The following OSBPL5 variants were observed in gnomAD, a reference collection of about 807,000 sequenced individuals.
The protein encoded by OSBPL5 is oxysterol binding protein like 5.
In OSBPL5, 71 loss-of-function variants were observed where a neutral mutation model predicts 111.2. That is an observed-to-expected ratio of 0.64 (90% confidence interval 0.53 to 0.78). The LOEUF (loss-of-function observed/expected upper bound fraction) is 0.78. Ranked by LOEUF, OSBPL5 falls within the 30% of genes least tolerant of loss-of-function variation. The probability of loss-of-function intolerance (pLI) is 0.00; values close to 1 mark genes in which losing one functional copy is unlikely to be tolerated. For synonymous variants in OSBPL5, 549 were observed against 513.9 expected, an observed-to-expected ratio of 1.07 and a Z score of -0.93; for missense variants, 1,210 against 1,189.3, an observed-to-expected ratio of 1.02 and a Z score of -0.26.
Position 3,088,268 on chromosome 11 carries a change from T to A in OSBPL5, c.2577A>T (p.Arg859=), listed in dbSNP as rs750833975. 2.5e-6 allele frequency: 4 copies of A among 1,608,440 alleles called. No individual in the cohort carries two copies. In the South Asian group the frequency reaches 3.3e-5, roughly 13 times the overall value. ...GGAACACGCAGAGCAGGAACCAGGA[T>A]CGGGGGCTCTGCAGGAGGCCTGGGG... is the stretch of plus-strand genomic sequence containing the variant. ...APTPGLLQSP[R]SWFLLCVFLA... The change falls in exon 22 of 22, where the codon CGA becomes CGT. Residue 859 remains arginine, a synonymous_variant. Transcript: ENST00000263650.
intron 1 of OSBPL5, chr11:3,129,392 G>A: frequency 2.9e-6 from 1 of 348,778 alleles, no homozygotes; most frequent in South Asian, 9.9e-5. Context: ...ACGCCGGGCA[G>A]TAGGGCTGGA....
intron 3 of OSBPL5, among the ~76,000 whole-genome samples, chr11:3,123,212 G>A (rs1858485077): frequency 1.3e-5 from 2 of 152,230 alleles, no homozygotes; most frequent in Non-Finnish European, 2.9e-5. Context: ...GGGAACCTGA[G>A]GCAGGGTAGG....
At chr11:3,112,588 T>C (rs1459000014) in intron 7 of OSBPL5, among the ~76,000 whole-genome samples, 1 of 151,812 alleles carries the variant, frequency 6.6e-6, no homozygotes, top group Non-Finnish European at 1.5e-5. Context: ...TAAAAAAAAT[T>C]TGTAAGTGCA....
intron 1 of OSBPL5, among the ~76,000 whole-genome samples, chr11:3,163,529 T>TG (rs199830392): frequency 0.22 from 22,593 of 103,064 alleles, 1,429 homozygotes; most frequent in Middle Eastern, 0.31. Context: ...AGGGGTTGGG[T>TG]GGGGGGGGCG....
intron 13 of OSBPL5, 58 bp from the exon 14 acceptor site, chr11:3,100,314 G>A: frequency 6.7e-7 from 1 of 1,492,206 alleles, no homozygotes; most frequent in South Asian, 1.2e-5. Context: ...CACATCTGAG[G>A]CCACCCCTAA....
Position 3,129,072 on chromosome 11 carries a change from C to CG in OSBPL5, c.76dup (p.Arg26ProfsTer14). ...GAGGAGCAAGTTCCGGGTGAGCTTC[C>CG]GGGGGTCGACTTTCTGAGGGGTGGA... On this transcript the variant is annotated frameshift_variant, in exon 2 of 22. Coordinates refer to ENST00000263650, the MANE Select transcript of OSBPL5 (RefSeq NM_020896.4). LOFTEE classifies it high-confidence loss of function. The CG allele has an allele frequency of 6.3e-7, 1 of 1,576,064 alleles. No individual in the cohort carries two copies. The highest frequency in any genetic ancestry group is 8.6e-7 in the Non-Finnish European group (1 of 1,162,094).
chr11:3,101,816 G>T, intron 12 of OSBPL5, 117 bp from the exon 13 acceptor site: 2 of 846,924 alleles, frequency 2.4e-6, no homozygotes, highest in Admixed American at 2.4e-5. Flanking sequence ...CTTCTCCCCC[G>T]ATCCCAGGAT....
chr11:3,137,583 C>T lies in OSBPL5; in HGVS notation c.-21-8414G>A, dbSNP rs548865028. Among the ~76,000 whole-genome samples, 12 of 152,250 alleles carry T rather than the reference C, an allele frequency of 7.9e-5. No individual in the cohort carries two copies. The East Asian group carries it at 1.5e-3, about 20-fold the overall frequency. ...ATCCCAACACTTTGGGAGCCTGAGGCGGGTGGATCGCTTGAGCCTAGGAGA... is the reference window on the plus strand; with the variant it reads ...ATCCCAACACTTTGGGAGCCTGAGGTGGGTGGATCGCTTGAGCCTAGGAGA... On this transcript the variant is annotated intron_variant, in intron 1 of 21. Coordinates refer to ENST00000263650, the MANE Select transcript of OSBPL5 (RefSeq NM_020896.4).
chr11:3,160,668 A>ACC (rs1491488630), intron 1 of OSBPL5, among the ~76,000 whole-genome samples: 7 of 67,866 alleles, frequency 1.0e-4, no homozygotes, highest in African/African-American at 4.1e-4. Context: ...TTAAATGACA[A>ACC]CCCTCCCCCC....
At position 3,115,873 on chromosome 11, in the gene OSBPL5, C is replaced by CTTTTTTTTT. The variant is rs369499437; in HGVS notation, c.691+3665_691+3673dup. On this transcript the variant is annotated intron_variant, in intron 7 of 21. Transcript: ENST00000263650. The stretch of plus-strand genomic sequence containing the variant: ...TGTCTCAAAGAATGAAGGCTTTTGC[C>CTTTTTTTTT]TTTTTTTTTTTTTTAAATCCTTGAG... Among the ~76,000 whole-genome samples, 1,367 of 143,916 alleles carry CTTTTTTTTT rather than the reference C, an allele frequency of 9.5e-3. 13 individuals carry two copies. Among genetic ancestry groups the CTTTTTTTTT allele is most frequent in the South Asian group, 0.02 (93 of 4,572 alleles). The allele number at this position is 143,916 out of a possible 152,430, so 94.4% of individuals were successfully genotyped here.
At position 3,106,653 on chromosome 11, in the gene OSBPL5, T is replaced by C. The variant is rs540681283; in HGVS notation, c.1059+610A>G. On this transcript the variant is annotated intron_variant, in intron 9 of 21. Transcript: ENST00000263650. The surrounding 1 kb of genome is among the most constrained non-coding windows in gnomAD (Gnocchi z 8.4). ...GAGCTCGTGCGCTGGTGGTCCTTCTTCTTGGAACGCCATCCTCCCTCCCGT... is the reference window on the plus strand; with the variant it reads ...GAGCTCGTGCGCTGGTGGTCCTTCTCCTTGGAACGCCATCCTCCCTCCCGT... Among the ~76,000 whole-genome samples the C allele has an allele frequency of 1.3e-4, 20 of 152,236 alleles. No individual in the cohort carries two copies. Among genetic ancestry groups the C allele is most frequent in the African/African-American group, 4.6e-4 (19 of 41,552 alleles).
At chr11:3,143,304 G>A (rs1158267943) in intron 1 of OSBPL5, among the ~76,000 whole-genome samples, 3 of 151,900 alleles carry the variant, frequency 2.0e-5, no homozygotes, top group Admixed American at 1.3e-4. Flanking sequence ...ACCAGCGACC[G>A]GCTCCAGGGG....
intron 14 of OSBPL5, among the ~76,000 whole-genome samples, chr11:3,099,548 T>A (rs1857384522): frequency 1.3e-5 from 2 of 152,122 alleles, no homozygotes; most frequent in South Asian, 4.1e-4. Context: ...GAAAGTCTGT[T>A]AATGAAAAAA....
chr11:3,141,473 G>A lies in OSBPL5; in HGVS notation c.-21-12304C>T, dbSNP rs1846113089. Among the ~76,000 whole-genome samples, 1 of 151,980 alleles carries A rather than the reference G, an allele frequency of 6.6e-6. No individual in the cohort carries two copies. On this transcript the variant is annotated intron_variant, in intron 1 of 21. Transcript: ENST00000263650. The surrounding 1 kb of genome is among the most constrained non-coding windows in gnomAD (Gnocchi z 6.5). ...CCCCCAATCTGTCTCTCAGGAAATG[G>A]GGGGGGTCTCAAACAGAAGGACCCC... is the stretch of plus-strand genomic sequence containing the variant.
At chr11:3,088,469 G>T in intron 21 of OSBPL5, 126 bp from the exon 22 acceptor site, 1 of 1,119,090 alleles carries the variant, frequency 8.9e-7, no homozygotes, top group Admixed American at 3.9e-5. Context: ...GAGATGGGAT[G>T]GCCCTCCAGG....
At chr11:3,120,363 G>C (rs1858360044) in intron 6 of OSBPL5, 58 bp downstream of exon 6, 20 of 1,553,970 alleles carry the variant, frequency 1.3e-5, no homozygotes, top group Non-Finnish European at 1.7e-5. Context: ...CAGGGCCCTA[G>C]GAATGAGCCC....
rs1051426790 is a variant in OSBPL5 at position 3,121,178 on chromosome 11, C to T, written c.403-554G>A. Among the ~76,000 whole-genome samples, 8 of 151,780 alleles carry T rather than the reference C, an allele frequency of 5.3e-5. No individual in the cohort carries two copies. Among genetic ancestry groups the T allele is most frequent in the Admixed American group, 2.6e-4 (4 of 15,240 alleles). On this transcript the variant is annotated intron_variant, in intron 5 of 21. Coordinates refer to ENST00000263650, the MANE Select transcript of OSBPL5 (RefSeq NM_020896.4). The surrounding 1 kb of genome is among the most constrained non-coding windows in gnomAD (Gnocchi z 4.3). ...GTTCAAGCGATTCTCCTGCCTCAGC[C>T]GCCCGAGTAGCTGGGATTACAGGCG... is the stretch of plus-strand genomic sequence containing the variant.
chr11:3,097,092 A>G (rs368181242), intron 14 of OSBPL5, among the ~76,000 whole-genome samples: 4,479 of 66,994 alleles, frequency 0.067, no homozygotes, highest in Non-Finnish European at 0.08. Context: ...AGAAGAGGAA[A>G]GAGGGGGAAG....
At chr11:3,094,711 A>G (rs1857195831) in intron 14 of OSBPL5, 1 of 221,182 alleles carries the variant, frequency 4.5e-6, no homozygotes, top group African/African-American at 2.3e-5. Context: ...TGAGACATGC[A>G]TCGTGCTTCA....
Sources: allele counts gnomAD v4.1 joint callset (sites outside exome capture counted in the v4.1 genomes callset), GRCh38; gene constraint gnomAD v4.1.1; non-coding constraint Gnocchi (gnomAD v3.1); transcripts MANE v1.5; gene names NCBI Gene and HGNC (gene_info 2026-07-23, HGNC 2026-07-21).